Variants in KTN1 observed in about 807,000 individuals in gnomAD.
KTN1 encodes kinectin.
Under a neutral mutation model 222.5 loss-of-function variants are expected in KTN1, and 130 were observed. That is an observed-to-expected ratio of 0.58 (90% CI 0.51 to 0.68). The LOEUF (loss-of-function observed/expected upper bound fraction) is 0.68. Among genes scored for constraint, KTN1 ranks in the 30% least tolerant of loss-of-function variants. The probability of loss-of-function intolerance (pLI) is 0.00; values close to 1 mark genes in which losing one functional copy is unlikely to be tolerated. For missense variants in KTN1, 1,508 were observed against 1,500.4 expected, an observed-to-expected ratio of 1.01 and a Z score of -0.08; for synonymous variants, 512 against 496.3, an observed-to-expected ratio of 1.03 and a Z score of -0.42.
intron 1 of KTN1, among the ~76,000 whole-genome samples, chr14:55,604,857 A>AT: frequency 6.6e-6 from 1 of 151,970 alleles, no homozygotes; most frequent in East Asian, 1.9e-4. Flanking sequence ...GATTGCAGGG[A>AT]TAAGGTGAAG....
chr14:55,587,334 T>C (rs1057183945), intron 1 of KTN1, among the ~76,000 whole-genome samples: 2 of 152,194 alleles, frequency 1.3e-5, no homozygotes, highest in Non-Finnish European at 2.9e-5. Flanking sequence ...GAAAACAATT[T>C]GAAACATGAA....
chr14:55,639,589 C>T (rs1335246817), intron 13 of KTN1, among the ~76,000 whole-genome samples: 1 of 151,428 alleles, frequency 6.6e-6, no homozygotes, highest in Non-Finnish European at 1.5e-5. Context: ...GGTAGTATAC[C>T]CAAAACAAAG....
At chr14:55,632,240 C>G (rs1416484889) in intron 7 of KTN1, among the ~76,000 whole-genome samples, 2 of 152,146 alleles carry the variant, frequency 1.3e-5, no homozygotes, top group Non-Finnish European at 2.9e-5. Context: ...GTAGCAGCAT[C>G]TTTTGTTGAA....
intron 8 of KTN1, 150 bp downstream of exon 8, chr14:55,633,491 T>G: frequency 2.0e-6 from 1 of 501,382 alleles, no homozygotes; most frequent in Non-Finnish European, 3.5e-6. Context: ...CAATTCTCTT[T>G]TGCTTTGTGA....
At chr14:55,607,032 A>G (rs114826009) in intron 1 of KTN1, among the ~76,000 whole-genome samples, 95 of 152,304 alleles carry the variant, frequency 6.2e-4, no homozygotes, top group African/African-American at 2.1e-3. Flanking sequence ...TGTCTTGTAT[A>G]TACATAAATA....
At position 55,618,100 on chromosome 14, in the gene KTN1, T is replaced by C. The variant is rs779981482; in HGVS notation, c.798T>C (p.Ser266=). 6.2e-6 allele frequency: 10 copies of C among 1,612,318 alleles called. No individual in the cohort carries two copies. The highest frequency in any genetic ancestry group is 1.3e-5 in the African/African-American group (1 of 74,980). Residue 266 remains serine, a synonymous_variant, in exon 4 of 44, where the codon TCT becomes TCC. Transcript: ENST00000395314. ...ACCAAGTAGAAGGGATCCAGAAATC[T>C]GGGACTAAAAAACTGAAGACCGAAA... ...KPDQVEGIQK[S]GTKKLKTETD...
intron 32 of KTN1, chr14:55,663,643 G>C: frequency 4.2e-6 from 1 of 237,898 alleles, no homozygotes; most frequent in Non-Finnish European, 8.2e-6. Flanking sequence ...CAATGTACCT[G>C]AAATCATGTA....
chr14:55,617,992 A>C lies in KTN1; in HGVS notation c.690A>C (p.Ala230=). ...NVFVDEPLIH[A]TTYIPLMDNA... Reference sequence around the variant, plus strand: ...TCGTAGATGAACCCCTTATTCATGCAACTACTTATATTCCTTTGATGGATA... The same window carrying C: ...TCGTAGATGAACCCCTTATTCATGCCACTACTTATATTCCTTTGATGGATA... Residue 230 remains alanine, a synonymous_variant, in exon 4 of 44, where the codon GCA becomes GCC. Coordinates refer to ENST00000395314, the MANE Select transcript of KTN1 (RefSeq NM_001079521.2). 6.3e-7 allele frequency: 1 copy of C among 1,599,662 alleles called. No homozygotes were observed.
At chr14:55,614,782 A>T (rs2038106856) in intron 2 of KTN1, among the ~76,000 whole-genome samples, 1 of 152,236 alleles carries the variant, frequency 6.6e-6, no homozygotes, top group Admixed American at 6.5e-5. Flanking sequence ...AGTTTTTACT[A>T]CGTGGCCCTT....
chr14:55,630,749 G>T (rs932873215), intron 7 of KTN1, among the ~76,000 whole-genome samples: 4 of 152,174 alleles, frequency 2.6e-5, no homozygotes, highest in Non-Finnish European at 4.4e-5. Flanking sequence ...GCAGTCGCTG[G>T]AATTATACTA....
intron 43 of KTN1, chr14:55,682,176 C>T (rs995742417): frequency 3.3e-5 from 5 of 152,040 alleles, no homozygotes; most frequent in African/African-American, 1.2e-4. Flanking sequence ...TAGTACTTAG[C>T]GTTTCTTAGA....
chr14:55,621,116 A>G (rs1426039211), intron 5 of KTN1, among the ~76,000 whole-genome samples: 1 of 152,086 alleles, frequency 6.6e-6, no homozygotes, highest in South Asian at 2.1e-4. Context: ...TCTTTGCTAA[A>G]ACATAGCAAG....
intron 1 of KTN1, among the ~76,000 whole-genome samples, chr14:55,588,182 T>G (rs1313823502): frequency 6.6e-6 from 1 of 152,216 alleles, no homozygotes; most frequent in African/African-American, 2.4e-5. Flanking sequence ...ATATGTATTA[T>G]ATACTGTATT....
At chr14:55,619,083 C>A in intron 4 of KTN1, 99 bp from the exon 5 acceptor site, 2 of 900,914 alleles carry the variant, frequency 2.2e-6, no homozygotes, top group Non-Finnish European at 3.4e-6. Context: ...CGGTTATTGA[C>A]TTTCTGGGCC....
At chr14:55,623,514 G>C (rs942876616) in intron 5 of KTN1, among the ~76,000 whole-genome samples, 10 of 152,210 alleles carry the variant, frequency 6.6e-5, no homozygotes, top group Non-Finnish European at 8.8e-5. Flanking sequence ...TGAGGAACTG[G>C]GACCACAGGC....
intron 31 of KTN1, among the ~76,000 whole-genome samples, chr14:55,660,769 A>G (rs1214273871): frequency 1.3e-5 from 2 of 152,176 alleles, no homozygotes; most frequent in Non-Finnish European, 2.9e-5. Flanking sequence ...GTGTATATAT[A>G]TGTGTATATG....
At chr14:55,644,286 G>T in intron 18 of KTN1, 1 of 601,146 alleles carries the variant, frequency 1.7e-6, no homozygotes, top group Non-Finnish European at 3.1e-6. Flanking sequence ...AGTGACAGTT[G>T]AGAGATTGAA....
At chr14:55,622,518 A>G (rs1017558662) in intron 5 of KTN1, among the ~76,000 whole-genome samples, 1 of 152,212 alleles carries the variant, frequency 6.6e-6, no homozygotes, top group Non-Finnish European at 1.5e-5. Context: ...TTCAAGGGTT[A>G]CCTATGTAAA....
intron 1 of KTN1, among the ~76,000 whole-genome samples, chr14:55,580,935 G>A (rs1362547687): frequency 6.6e-6 from 1 of 152,252 alleles, no homozygotes; most frequent in Non-Finnish European, 1.5e-5. Context: ...CCCTTTGCGA[G>A]TCCCCAGGTC....
Sources: allele counts gnomAD v4.1 joint callset (sites outside exome capture counted in the v4.1 genomes callset), GRCh38; gene constraint gnomAD v4.1.1; transcripts MANE v1.5; gene names NCBI Gene and HGNC (gene_info 2026-07-23, HGNC 2026-07-21).